STAG1: variants seen among roughly 807,000 people sequenced by gnomAD.
STAG1 encodes STAG1 cohesin complex component, also known as cohesin subunit SA-1.
Under a neutral mutation model 170.9 loss-of-function variants are expected in STAG1, and 26 were observed. The observed-to-expected ratio is 0.15, with a 90% CI of 0.11 to 0.21. STAG1 has a LOEUF of 0.21. Among genes scored for constraint, STAG1 ranks in the 10% least tolerant of loss-of-function variants. The pLI, the probability that STAG1 is intolerant of heterozygous loss-of-function variation, is 1.00. For missense variants in STAG1, 964 were observed against 1,509.5 expected (o/e 0.64, Z 5.99); for synonymous variants, 514 against 497.7 (o/e 1.03, Z -0.44).
chr3:136,625,419 A>G (rs1452432632), intron 2 of STAG1, among the ~76,000 whole-genome samples: 2 of 152,222 alleles, frequency 1.3e-5, no homozygotes, highest in African/African-American at 4.8e-5. Context: ...TTTATCTTGC[A>G]TGCATGACAT....
At chr3:136,666,807 G>T (rs1941797353) in intron 1 of STAG1, among the ~76,000 whole-genome samples, 1 of 148,652 alleles carries the variant, frequency 6.7e-6, no homozygotes, top group South Asian at 2.1e-4. Context: ...GTGACAGAGT[G>T]AAACTCTGTC....
chr3:136,387,564 CTA>C (rs1420005775), intron 22 of STAG1, among the ~76,000 whole-genome samples: 1 of 152,184 alleles, frequency 6.6e-6, no homozygotes, highest in Non-Finnish European at 1.5e-5. Flanking sequence ...AGGGTAAACA[CTA>C]TGCTGTATTT....
intron 1 of STAG1, among the ~76,000 whole-genome samples, chr3:136,694,076 G>A (rs1351928823): frequency 6.6e-6 from 1 of 152,168 alleles, no homozygotes; most frequent in African/African-American, 2.4e-5. Flanking sequence ...AATACCACCT[G>A]GAGTCTGTTA....
chr3:136,582,858 A>G (rs1937621254), intron 4 of STAG1, among the ~76,000 whole-genome samples: 1 of 152,212 alleles, frequency 6.6e-6, no homozygotes, highest in Admixed American at 6.5e-5. Flanking sequence ...TATTTCATGA[A>G]CCAGCAAATC....
intron 28 of STAG1, among the ~76,000 whole-genome samples, chr3:136,353,302 T>C (rs1015072982): frequency 6.6e-6 from 1 of 152,010 alleles, no homozygotes; most frequent in Non-Finnish European, 1.5e-5. Flanking sequence ...TTAGGAGAAA[T>C]AATGGCTAAA....
chr3:136,441,435 C>T (rs2088629406), intron 15 of STAG1, among the ~76,000 whole-genome samples: 1 of 152,142 alleles, frequency 6.6e-6, no homozygotes, highest in Non-Finnish European at 1.5e-5. Flanking sequence ...ATAAGCTCTT[C>T]CTTGAAAGGT....
chr3:136,490,887 TTTG>T (rs1305955041), intron 9 of STAG1, among the ~76,000 whole-genome samples: 2 of 152,304 alleles, frequency 1.3e-5, no homozygotes, highest in Admixed American at 6.5e-5. Flanking sequence ...GTTATTCTTT[TTTG>T]TTGTTGTTGT....
intron 21 of STAG1, among the ~76,000 whole-genome samples, chr3:136,407,127 A>T (rs1174603959): frequency 6.6e-6 from 1 of 152,174 alleles, no homozygotes; most frequent in African/African-American, 2.4e-5. Context: ...CTGGGGTTCA[A>T]GCGATTCTCC....
chr3:136,583,268 T>C (rs1188484154), intron 4 of STAG1, among the ~76,000 whole-genome samples: 1 of 152,218 alleles, frequency 6.6e-6, no homozygotes, highest in Non-Finnish European at 1.5e-5. Flanking sequence ...CTTCTCATTC[T>C]AACTTTTTTC....
At chr3:136,413,869 G>A (rs934357453) in intron 21 of STAG1, among the ~76,000 whole-genome samples, 2 of 152,126 alleles carry the variant, frequency 1.3e-5, no homozygotes, top group Non-Finnish European at 2.9e-5. Flanking sequence ...CCTGAATATA[G>A]CGCAAGTTTA....
chr3:136,380,513 T>A (rs1432831924), intron 22 of STAG1, among the ~76,000 whole-genome samples: 1 of 152,096 alleles, frequency 6.6e-6, no homozygotes, highest in African/African-American at 2.4e-5. Context: ...GTGCTAGGAT[T>A]ACAGGCGTGA....
At chr3:136,364,911 AAAG>A (rs1278616867) in intron 25 of STAG1, among the ~76,000 whole-genome samples, 1 of 152,312 alleles carries the variant, frequency 6.6e-6, no homozygotes, top group Admixed American at 6.5e-5. Context: ...CTTTTAGTGC[AAAG>A]AAGAATTATC....
rs545737189 is a variant in STAG1, at chr3:136,338,097, C to T, written c.*157G>A. ...CATTCCCTTGGGTAATTTACATGCT[C>T]CTCTTCTGTCACTGCAAAAAGGGAT... On this transcript the variant is annotated 3_prime_UTR_variant, in exon 34 of 34. Transcript: ENST00000383202. 1.8e-5 allele frequency: 11 copies of T among 597,772 alleles called. No homozygotes were observed. The highest frequency in any genetic ancestry group is 2.1e-5 in the Non-Finnish European group (7 of 332,996). The allele number at this position is 597,772 out of a possible 1,614,324, so 37.0% of individuals were successfully genotyped here.
chr3:136,672,701 C>T (rs1432717513), intron 1 of STAG1, among the ~76,000 whole-genome samples: 2 of 152,092 alleles, frequency 1.3e-5, no homozygotes, highest in Non-Finnish European at 2.9e-5. Context: ...CACTCCACCC[C>T]GCAACACACA....
chr3:136,696,545 T>G (rs1410209084), intron 1 of STAG1, among the ~76,000 whole-genome samples: 1 of 151,908 alleles, frequency 6.6e-6, no homozygotes, highest in Non-Finnish European at 1.5e-5. Context: ...TGAGTGATAA[T>G]GAGTCAGTGT....
chr3:136,531,177 C>T (rs1935347744), intron 6 of STAG1, among the ~76,000 whole-genome samples: 1 of 151,382 alleles, frequency 6.6e-6, no homozygotes, highest in South Asian at 2.1e-4. Context: ...CATCACTGGC[C>T]ATCAGAGAAA....
chr3:136,347,081 TAA>T (rs57595953), intron 29 of STAG1, among the ~76,000 whole-genome samples: 25 of 118,114 alleles, frequency 2.1e-4, no homozygotes, highest in Middle Eastern at 5.5e-3. Flanking sequence ...CCTGTCTCAT[TAA>T]AAAAAAAAAA....
At chr3:136,396,367 G>A (rs2087156369) in intron 22 of STAG1, among the ~76,000 whole-genome samples, 1 of 151,348 alleles carries the variant, frequency 6.6e-6, no homozygotes, top group Non-Finnish European at 1.5e-5. Context: ...ACAGGCGCCT[G>A]CCACCACGCC....
At chr3:136,577,789 A>C (rs1234538279) in intron 4 of STAG1, among the ~76,000 whole-genome samples, 1 of 152,242 alleles carries the variant, frequency 6.6e-6, no homozygotes, top group African/African-American at 2.4e-5. Context: ...GTAGATTCTA[A>C]ATGTATTTTA....
Sources: gnomAD v4.1 joint callset for allele counts (sites outside exome capture counted in the v4.1 genomes callset) on GRCh38, gnomAD v4.1.1 for gene constraint, MANE v1.5 for transcripts, NCBI Gene and HGNC (gene_info 2026-07-23, HGNC 2026-07-21) for gene names.